The following MCM8 variants were observed in gnomAD, a reference collection of about 807,000 sequenced individuals.
MCM8 encodes minichromosome maintenance 8 homologous recombination repair factor.
In MCM8, 85 loss-of-function variants were observed where a neutral mutation model predicts 98.9. The ratio of observed to expected loss-of-function variants is 0.86; its 90% CI spans 0.72 to 1.03. The LOEUF is 1.03. Ranked by LOEUF, MCM8 falls within the 50% of genes least tolerant of loss-of-function variation. The probability of loss-of-function intolerance (pLI) is 0.00; values close to 1 mark genes in which losing one functional copy is unlikely to be tolerated. For missense variants in MCM8, 951 were observed against 997.8 expected, an observed-to-expected ratio of 0.95 and a Z score of 0.63; for synonymous variants, 352 against 338.6, an observed-to-expected ratio of 1.04 and a Z score of -0.44.
At chr20:5,982,024 C>G (rs746711391) in intron 13 of MCM8, among the ~76,000 whole-genome samples, 1 of 152,088 alleles carries the variant, frequency 6.6e-6, no homozygotes, top group Non-Finnish European at 1.5e-5. Context: ...AAAGGAAATT[C>G]AACATAATTG....
In MCM8 at chr20:5,952,096, C is replaced by T; in HGVS notation, c.81C>T (p.Phe27=). The stretch of plus-strand genomic sequence containing the variant: ...AAAGGGGAAGAGGTGGTGGGAACTT[C>T]TCAGGAAAATGGAGAGAAAGAGAAC... ...SWKRGRGGGN[F]SGKWREREHR... Residue 27 remains phenylalanine, a synonymous_variant, in exon 2 of 19, where the codon TTC becomes TTT. Transcript: ENST00000610722. 2 of 1,614,000 alleles carry T rather than the reference C, an allele frequency of 1.2e-6. No individual in the cohort carries two copies. The highest frequency in any genetic ancestry group is 1.7e-6 in the Non-Finnish European group (2 of 1,179,972).
chr20:5,956,828 CAAG>C (rs1238104197), intron 5 of MCM8, among the ~76,000 whole-genome samples: 8 of 149,082 alleles, frequency 5.4e-5, no homozygotes, highest in African/African-American at 1.7e-4. Flanking sequence ...TAATTAGTAT[CAAG>C]AGGTGATGGT....
chr20:5,975,097 A>G (rs2089480850), intron 12 of MCM8, among the ~76,000 whole-genome samples: 1 of 152,180 alleles, frequency 6.6e-6, no homozygotes, highest in Non-Finnish European at 1.5e-5. Flanking sequence ...TATCTCTACA[A>G]AAAAGAAAAC....
intron 3 of MCM8, 132 bp downstream of exon 3, chr20:5,952,660 T>G: frequency 1.4e-6 from 1 of 737,438 alleles, no homozygotes; most frequent in Non-Finnish European, 2.2e-6. Flanking sequence ...CCCAAACAAT[T>G]AAATGATGTT....
chr20:5,962,406 C>T lies in MCM8; in HGVS notation c.790-868C>T, dbSNP rs1263237495. The stretch of plus-strand genomic sequence containing the variant: ...TTTTTGAGACGGAGTCTCGCTCTGT[C>T]GCCCAGGCCGGACTGCGGACTGCAG... On this transcript the variant is annotated intron_variant, in intron 7 of 18. Coordinates refer to ENST00000610722, the MANE Select transcript of MCM8 (RefSeq NM_032485.6). Among the ~76,000 whole-genome samples, 6 of 51,142 alleles carry T rather than the reference C, an allele frequency of 1.2e-4. 1 individual carries two copies. Among genetic ancestry groups the T allele is most frequent in the East Asian group, 9.7e-4 (1 of 1,028 alleles). 33.6% of individuals were successfully genotyped at this position (51,142 alleles called of 152,430 possible).
chr20:5,972,446 G>C (rs2089424682), intron 11 of MCM8: 1 of 254,234 alleles, frequency 3.9e-6, no homozygotes, highest in Non-Finnish European at 7.8e-6. Context: ...GGCCTCAAGT[G>C]ATCCACCCAA....
chr20:5,953,368 C>T (rs1448802694), intron 3 of MCM8, among the ~76,000 whole-genome samples: 1 of 151,870 alleles, frequency 6.6e-6, no homozygotes, highest in Non-Finnish European at 1.5e-5. Context: ...CTACATCAGT[C>T]TGTATAGGTG....
chr20:5,971,934 A>G, intron 10 of MCM8, 73 bp from the exon 11 acceptor site: 1 of 1,349,122 alleles, frequency 7.4e-7, no homozygotes, highest in Non-Finnish European at 1.0e-6. Flanking sequence ...AGGTTAAACA[A>G]ATTGTAGAGG....
In MCM8 at chr20:5,968,025, A is replaced by G. The variant is rs1028663842; in HGVS notation, c.1223A>G (p.Asn408Ser). 6.2e-7 allele frequency: 1 copy of G among 1,604,540 alleles called. No homozygotes were observed. The highest frequency in any genetic ancestry group is 8.5e-7 in the Non-Finnish European group (1 of 1,175,794). ...AEENLFKLIV[N>S]SLCPVIFGHE... ...GAAAACCTGTTTAAACTCATTGTCA[A>G]GTATGTATGCTGTCATTTGAAATTT... Residue 408 changes from asparagine to serine, a missense_variant and splice_region_variant, in exon 10 of 19, where the codon AAC becomes AGC. Coordinates refer to ENST00000610722, the MANE Select transcript of MCM8 (RefSeq NM_032485.6).
In MCM8 at chr20:5,952,074, G is replaced by A; in HGVS notation, c.59G>A (p.Arg20Lys). 4 of 1,614,076 alleles carry A rather than the reference G, an allele frequency of 2.5e-6. No individual in the cohort carries two copies. Among genetic ancestry groups the A allele is most frequent in the Non-Finnish European group, 3.4e-6 (4 of 1,179,996 alleles). The part of the protein sequence containing the change: ...FGRGRFQSWK[R>K]GRGGGNFSGK... ...CGAGGAAGATTTCAAAGCTGGAAAA[G>A]GGGAAGAGGTGGTGGGAACTTCTCA... The change falls in exon 2 of 19, where the codon AGG (arginine) becomes AAG (lysine). Residue 20 changes from arginine to lysine, a missense_variant. Coordinates refer to ENST00000610722, the MANE Select transcript of MCM8 (RefSeq NM_032485.6).
rs111543088 is a variant in MCM8, at chr20:5,983,252, G to A, written c.1733+87G>A. 39 of 1,102,412 alleles carry A rather than the reference G, an allele frequency of 3.5e-5. No homozygotes were observed. The African/African-American group carries it at 5.9e-4, about 17-fold the overall frequency. The allele number at this position is 1,102,412 out of a possible 1,614,324, so 68.3% of individuals were successfully genotyped here. On this transcript the variant is annotated intron_variant, in intron 14 of 18. Transcript: ENST00000610722. Reference sequence around the variant, plus strand: ...AGAAATAGTTCACAGAACTACAGGGGAAAAACATGGATATTTCACAGAAGT... The same window carrying A: ...AGAAATAGTTCACAGAACTACAGGGAAAAAACATGGATATTTCACAGAAGT...
chr20:5,964,315 A>G (rs1341248334), intron 8 of MCM8, among the ~76,000 whole-genome samples: 3 of 152,210 alleles, frequency 2.0e-5, no homozygotes, highest in African/African-American at 4.8e-5. Flanking sequence ...TAGGGAAAAG[A>G]TAAGATGATC....
At chr20:5,986,301 T>TA (rs1312360416) in intron 16 of MCM8, among the ~76,000 whole-genome samples, 170 bp downstream of exon 16, 1 of 152,248 alleles carries the variant, frequency 6.6e-6, no homozygotes, top group African/African-American at 2.4e-5. Context: ...GTCTATAACA[T>TA]ATCCAAGTAT....
chr20:5,965,641 G>A (rs1320341368), intron 8 of MCM8: 1 of 152,110 alleles, frequency 6.6e-6, no homozygotes, highest in South Asian at 2.1e-4. Flanking sequence ...AATGACTCAA[G>A]CATCAAATTA....
Position 5,994,551 on chromosome 20 carries a change from G to A in MCM8, c.*160G>A. 7.3e-6 allele frequency: 4 copies of A among 550,326 alleles called. No homozygotes were observed. The highest frequency in any genetic ancestry group is 1.3e-5 in the Non-Finnish European group (4 of 312,784). 34.1% of individuals were successfully genotyped at this position (550,326 alleles called of 1,614,324 possible). ...CAAATACTGTTCTCTGAAAAATGAT[G>A]TCCCAAAAGTATTATAATAGGAAAA... On this transcript the variant is annotated 3_prime_UTR_variant, in exon 19 of 19. Transcript: ENST00000610722.
intron 14 of MCM8, among the ~76,000 whole-genome samples, chr20:5,984,062 CAA>C (rs1418971454): frequency 6.6e-6 from 1 of 152,118 alleles, no homozygotes; most frequent in Non-Finnish European, 1.5e-5. Context: ...TTTTCAAAAA[CAA>C]TGTTTATATC....
intron 10 of MCM8, among the ~76,000 whole-genome samples, chr20:5,969,854 A>C (rs2089364666): frequency 6.6e-6 from 1 of 152,196 alleles, no homozygotes; most frequent in Admixed American, 6.5e-5. Context: ...GCAGGTGGCC[A>C]AGGAAGCAAC....
chr20:5,977,577 G>A (rs1158015935), intron 12 of MCM8, among the ~76,000 whole-genome samples: 2 of 152,180 alleles, frequency 1.3e-5, no homozygotes. Flanking sequence ...AGCATAAATT[G>A]GAATTGTGTT....
intron 7 of MCM8, among the ~76,000 whole-genome samples, chr20:5,959,261 T>C (rs2089072883): frequency 6.6e-6 from 1 of 151,984 alleles, no homozygotes; most frequent in African/African-American, 2.4e-5. Context: ...TATTTTAGCT[T>C]AATTTGTAAC....
Sources: allele counts gnomAD v4.1 joint callset (sites outside exome capture counted in the v4.1 genomes callset), GRCh38; gene constraint gnomAD v4.1.1; transcripts MANE v1.5; gene names NCBI Gene and HGNC (gene_info 2026-07-23, HGNC 2026-07-21).